The following SOX5 variants were observed in gnomAD, a reference collection of about 807,000 sequenced individuals.
The protein encoded by SOX5 is SRY-box transcription factor 5.
In SOX5, 9 loss-of-function variants were observed where a neutral mutation model predicts 92.0. The observed-to-expected ratio is 0.10, with a 90% confidence interval of 0.06 to 0.17. SOX5 has a LOEUF of 0.17. Ranked by LOEUF, SOX5 falls within the 10% of genes least tolerant of loss-of-function variation. The probability of loss-of-function intolerance (pLI) is 1.00; values close to 1 mark genes in which losing one functional copy is unlikely to be tolerated. For synonymous variants in SOX5, 344 were observed against 336.3 expected (o/e 1.02, Z -0.25); for missense variants, 642 against 944.5 (o/e 0.68, Z 4.20).
At chr12:24,505,066 A>G (rs1231460594) in intron 1 of SOX5, among the ~76,000 whole-genome samples, 4 of 152,274 alleles carry the variant, frequency 2.6e-5, no homozygotes, top group Non-Finnish European at 2.9e-5. Context: ...TTGTAGCATC[A>G]GTAAAAACAG....
chr12:23,967,721 ACTT>A (rs1387931786), intron 4 of SOX5, among the ~76,000 whole-genome samples: 1 of 152,202 alleles, frequency 6.6e-6, no homozygotes, highest in African/African-American at 2.4e-5. Context: ...GATTGGAAAG[ACTT>A]CTTAACTAAG....
intron 4 of SOX5, among the ~76,000 whole-genome samples, chr12:24,010,073 A>G (rs966073786): frequency 7.9e-5 from 12 of 152,188 alleles, no homozygotes; most frequent in African/African-American, 2.9e-4. Flanking sequence ...CCATCAGTAG[A>G]AATATAACAA....
intron 9 of SOX5, among the ~76,000 whole-genome samples, chr12:23,585,106 G>A (rs929986847): frequency 6.6e-6 from 1 of 152,050 alleles, no homozygotes; most frequent in African/African-American, 2.4e-5. Flanking sequence ...GCATTTCAAA[G>A]GTTATTTACG....
At chr12:23,740,051 T>G (rs1299857304) in intron 5 of SOX5, among the ~76,000 whole-genome samples, 5 of 152,190 alleles carry the variant, frequency 3.3e-5, no homozygotes, top group African/African-American at 4.8e-5. Flanking sequence ...GTCAAATAAA[T>G]GAATGAATGT....
intron 1 of SOX5, among the ~76,000 whole-genome samples, chr12:24,432,844 G>A (rs1566149854): frequency 6.6e-6 from 1 of 151,836 alleles, no homozygotes; most frequent in Non-Finnish European, 1.5e-5. Context: ...TTTGTTAAAG[G>A]TGTAAAATAC....
chr12:23,973,985 C>T (rs1948637628), intron 4 of SOX5, among the ~76,000 whole-genome samples: 1 of 152,134 alleles, frequency 6.6e-6, no homozygotes, highest in Non-Finnish European at 1.5e-5. Flanking sequence ...AACACTGGTC[C>T]CTGGTGCCAA....
chr12:23,989,067 T>C (rs2136238234), intron 4 of SOX5, among the ~76,000 whole-genome samples: 1 of 151,978 alleles, frequency 6.6e-6, no homozygotes, highest in East Asian at 1.9e-4. Flanking sequence ...AGGAAGGAAG[T>C]TTCGTCATGT....
intron 4 of SOX5, among the ~76,000 whole-genome samples, chr12:24,148,688 TAAAAAAAAAAAAAAA>T (rs398018872): frequency 7.0e-5 from 5 of 70,952 alleles, no homozygotes; most frequent in East Asian, 1.4e-3. Context: ...CCATCTCTAC[TAAAAAAAAAAAAAAA>T]AAAAAAAAAA....
intron 1 of SOX5, among the ~76,000 whole-genome samples, chr12:24,470,703 T>A (rs1274431338): frequency 6.6e-6 from 1 of 152,172 alleles, no homozygotes; most frequent in Non-Finnish European, 1.5e-5. Context: ...TTGTGGAAAG[T>A]ACTTGGACTC....
At chr12:23,652,514 A>AC (rs1304099488) in intron 7 of SOX5, among the ~76,000 whole-genome samples, 2 of 112,564 alleles carry the variant, frequency 1.8e-5, no homozygotes, top group African/African-American at 8.4e-5. Flanking sequence ...GACCTCTTCT[A>AC]CTGTTTTTTT....
chr12:24,372,476 T>C lies in SOX5; in HGVS notation c.-250-3837A>G, dbSNP rs567504540. Among the ~76,000 whole-genome samples, 6 of 152,350 alleles carry C rather than the reference T, an allele frequency of 3.9e-5. No individual in the cohort carries two copies. In the South Asian group the frequency reaches 1.0e-3, roughly 26 times the overall value. ...AAGGACATGAATTCATCCTTTTTTA[T>C]GGCTACATAGTATTCTATGGTGTCT... On this transcript the variant is annotated intron_variant, in intron 1 of 4. Coordinates refer to the SOX5 transcript ENST00000446891.
chr12:23,846,234 AAG>A, intron 2 of SOX5, 41 bp from the exon 3 acceptor site: 2 of 1,424,796 alleles, frequency 1.4e-6, no homozygotes, highest in South Asian at 1.1e-5. Context: ...GTTTACCTGA[AAG>A]AGAGAGCAAA....
Position 24,253,497 on chromosome 12 carries a change from G to A in SOX5, c.-77+23719C>T, listed in dbSNP as rs569201097. Among the ~76,000 whole-genome samples, 17 of 152,164 alleles carry A rather than the reference G, an allele frequency of 1.1e-4. No individual in the cohort carries two copies. The East Asian group carries it at 3.3e-3, about 29-fold the overall frequency. ...CCTCAAGTCATTTATATTTTTCAGT[G>A]TCTTTAAAGCAAAGATGGAAACGGC... On this transcript the variant is annotated intron_variant, in intron 3 of 4. Transcript: ENST00000446891.
Position 24,561,548 on chromosome 12 carries a change from A to G in SOX5, c.-251+781T>C, listed in dbSNP as rs936767882. Among the ~76,000 whole-genome samples the G allele has an allele frequency of 3.3e-5, 5 of 152,288 alleles. No homozygotes were observed. In the Middle Eastern group the frequency reaches 0.01, roughly 313 times the overall value. ...ATTGCTTCTTATTGCTGTAGCCCCA[A>G]AGTGCAAGCGAGATTTCCCAAACCC... On this transcript the variant is annotated intron_variant, in intron 1 of 4. Coordinates refer to the SOX5 transcript ENST00000446891.
At chr12:24,519,213 C>T (rs1258944307) in intron 1 of SOX5, among the ~76,000 whole-genome samples, 2 of 151,968 alleles carry the variant, frequency 1.3e-5, no homozygotes, top group African/African-American at 2.4e-5. Context: ...CATTCATTCA[C>T]TCAAAAATAT....
chr12:23,785,698 G>T (rs2095365172), intron 3 of SOX5, among the ~76,000 whole-genome samples: 1 of 152,048 alleles, frequency 6.6e-6, no homozygotes, highest in Non-Finnish European at 1.5e-5. Flanking sequence ...ATGTTCGTAA[G>T]GCATTAAAGG....
chr12:23,902,642 G>T (rs996625441), intron 1 of SOX5, among the ~76,000 whole-genome samples: 2 of 150,278 alleles, frequency 1.3e-5, no homozygotes, highest in Non-Finnish European at 2.9e-5. Flanking sequence ...TGGAAAACAA[G>T]AATGTCATTT....
At chr12:24,178,385 G>A (rs1484223584) in intron 4 of SOX5, among the ~76,000 whole-genome samples, 1 of 151,948 alleles carries the variant, frequency 6.6e-6, no homozygotes, top group Non-Finnish European at 1.5e-5. Context: ...AGGTGCAGAG[G>A]CCTAGAGAAG....
At chr12:24,194,422 TAGGTAGGTATGTAG>T (rs1956817160) in intron 4 of SOX5, among the ~76,000 whole-genome samples, 1 of 103,602 alleles carries the variant, frequency 9.7e-6, no homozygotes, top group South Asian at 2.6e-4. Flanking sequence ...GGTAGGTAGG[TAGGTAGGTATGTAG>T]GTAGGTAGGT....
Sources: gnomAD v4.1 joint callset for allele counts (sites outside exome capture counted in the v4.1 genomes callset) on GRCh38, gnomAD v4.1.1 for gene constraint, MANE v1.5 for transcripts, NCBI Gene and HGNC (gene_info 2026-07-23, HGNC 2026-07-21) for gene names.